Variants in ARID4A observed in about 807,000 individuals in gnomAD.
ARID4A encodes the protein AT-rich interactive domain-containing protein 4A.
In ARID4A, 39 loss-of-function variants were observed where a neutral mutation model predicts 148.6. The ratio of observed to expected loss-of-function variants is 0.26; its 90% confidence interval spans 0.20 to 0.34. The LOEUF is 0.34. ARID4A is among the 10% of genes least tolerant of loss of function. The probability of loss-of-function intolerance (pLI) is 1.00; values close to 1 mark genes in which losing one functional copy is unlikely to be tolerated. For synonymous variants in ARID4A, 475 were observed against 481.2 expected (o/e 0.99, Z 0.17); for missense variants, 1,265 against 1,449.1 (o/e 0.87, Z 2.06).
At chr14:58,322,222 G>A (rs563658958) in intron 7 of ARID4A, among the ~76,000 whole-genome samples, 4 of 151,912 alleles carry the variant, frequency 2.6e-5, no homozygotes, top group Admixed American at 6.6e-5. Flanking sequence ...CACCCGCCTC[G>A]GCCTCCCAAA....
In ARID4A at chr14:58,330,010, G is replaced by T; in HGVS notation, c.747G>T (p.Gln249His). 1.2e-6 allele frequency: 2 copies of T among 1,608,880 alleles called. No individual in the cohort carries two copies. Among genetic ancestry groups the T allele is most frequent in the East Asian group, 4.5e-5 (2 of 44,704 alleles). ...ESELSTKPGL[Q>H]KASIFLKTRV... ...GTACATTTTCACTCTTAGGGCTTCA[G>T]AAAGCAAGCATCTTCTTAAAAACTA... The change falls in exon 11 of 24, where the codon CAG becomes CAT. Residue 249 changes from glutamine to histidine, a missense_variant. By Grantham distance (24) the Gln-to-His change is conservative. Coordinates refer to ENST00000355431, the MANE Select transcript of ARID4A (RefSeq NM_002892.4).
intron 11 of ARID4A, among the ~76,000 whole-genome samples, chr14:58,340,315 G>A (rs1272625656): frequency 1.4e-5 from 2 of 142,842 alleles, no homozygotes; most frequent in Non-Finnish European, 3.0e-5. Context: ...ACAGGTGCAC[G>A]CCAGCATGCC....
intron 10 of ARID4A, among the ~76,000 whole-genome samples, 155 bp from the exon 11 acceptor site, chr14:58,329,848 C>T (rs945251546): frequency 1.3e-5 from 2 of 152,106 alleles, no homozygotes; most frequent in Non-Finnish European, 2.9e-5. Context: ...GTTTATATAA[C>T]ATTATAACTT....
At chr14:58,343,030 T>C (rs1447907587) in intron 11 of ARID4A, among the ~76,000 whole-genome samples, 4 of 152,330 alleles carry the variant, frequency 2.6e-5, no homozygotes, top group East Asian at 1.9e-4. Flanking sequence ...TGATTTTTTT[T>C]CCTCACGCTA....
In ARID4A at chr14:58,364,552, T is replaced by C; in HGVS notation, c.2463T>C (p.Pro821=). 6.2e-7 allele frequency: 1 copy of C among 1,610,814 alleles called. No homozygotes were observed. The highest frequency in any genetic ancestry group is 8.5e-7 in the Non-Finnish European group (1 of 1,179,386). The change falls in exon 20 of 24, where the codon CCT becomes CCC. Residue 821 remains proline, a synonymous_variant. Coordinates refer to ENST00000355431, the MANE Select transcript of ARID4A (RefSeq NM_002892.4). Reference sequence around the variant, plus strand: ...GCCAGAATGAAGCAGGAAGTGAACCTCATATAGAAGCTCATAGTCTTGAAT... The same window carrying C: ...GCCAGAATGAAGCAGGAAGTGAACCCCATATAGAAGCTCATAGTCTTGAAT... ...SFGQNEAGSE[P]HIEAHSLELS... is the part of the protein sequence containing the mutation.
Position 58,330,166 on chromosome 14 carries a change from G to A in ARID4A, c.903G>A (p.Glu301=). ...AGGAGGCCAAAAAGACAGAAGAAGA[G>A]GTGGTAGGTGTAATTTCATGTTTGT... ...KEKEAKKTEE[E]VPEEELDPEE... is the part of the protein sequence containing the mutation. Residue 301 remains glutamate (E), a synonymous_variant, in exon 11 of 24, where the codon GAG becomes GAA. Coordinates refer to ENST00000355431, the MANE Select transcript of ARID4A (RefSeq NM_002892.4). 1 of 1,608,756 alleles carries A rather than the reference G, an allele frequency of 6.2e-7. No homozygotes were observed. Among genetic ancestry groups the A allele is most frequent in the East Asian group, 2.2e-5 (1 of 44,658 alleles).
At chr14:58,318,898 G>T in intron 7 of ARID4A, 93 bp downstream of exon 7, 1 of 949,980 alleles carries the variant, frequency 1.1e-6, no homozygotes, top group Middle Eastern at 2.2e-4. Context: ...ATTTGGGTAA[G>T]CTTTCCATAG....
Position 58,347,753 on chromosome 14 carries a change from T to A in ARID4A, c.1279T>A (p.Ser427Thr). 1 of 1,613,612 alleles carries A rather than the reference T, an allele frequency of 6.2e-7. No homozygotes were observed. Among genetic ancestry groups the A allele is most frequent in the Non-Finnish European group, 8.5e-7 (1 of 1,179,702 alleles). ...AGAGGAAAAAAAAGACTTAGAAGAA[T>A]CAATGGAAGAGGCTCTCAAATTAGA... ...VKEEKKDLEE[S>T]MEEALKLDQE... Residue 427 changes from serine to threonine, a missense_variant, in exon 15 of 24, where the codon TCA becomes ACA. Physicochemically the swap from Ser to Thr is moderately conservative, Grantham distance 58. Transcript: ENST00000355431.
intron 23 of ARID4A, chr14:58,370,153 C>G (rs993543839): frequency 1.3e-5 from 2 of 152,198 alleles, no homozygotes; most frequent in African/African-American, 4.8e-5. Flanking sequence ...CTTTTAAAAA[C>G]TGTAAATAGC....
intron 22 of ARID4A, 112 bp from the exon 23 acceptor site, chr14:58,366,771 T>G: frequency 1.2e-6 from 1 of 829,118 alleles, no homozygotes; most frequent in Non-Finnish European, 1.8e-6. Flanking sequence ...GTAGGAGATT[T>G]TAATAAACTA....
intron 5 of ARID4A, among the ~76,000 whole-genome samples, chr14:58,312,344 G>T (rs1432975709): frequency 1.3e-5 from 2 of 151,472 alleles, no homozygotes; most frequent in African/African-American, 4.9e-5. Flanking sequence ...AGTTTCCCAA[G>T]TAGCTGGGAT....
chr14:58,322,296 G>A (rs1038585635), intron 7 of ARID4A, among the ~76,000 whole-genome samples: 3 of 152,022 alleles, frequency 2.0e-5, no homozygotes, highest in African/African-American at 4.8e-5. Flanking sequence ...TTATTAGTGT[G>A]TAATAAGTAC....
At chr14:58,356,960 A>G (rs1426466443) in intron 17 of ARID4A, among the ~76,000 whole-genome samples, 2 of 152,100 alleles carry the variant, frequency 1.3e-5, no homozygotes, top group African/African-American at 4.8e-5. Flanking sequence ...CGGCCTCCCA[A>G]AGTGTTGGGA....
Position 58,365,632 on chromosome 14 carries a change from T to C in ARID4A, c.3316+10T>C, listed in dbSNP as rs753424453. Reference sequence around the variant, plus strand: ...GAAAAGAATGGAACAGGTTGGTGTCTTTCAATGCTAGCTTTTGTATAGTGT... The same window carrying C: ...GAAAAGAATGGAACAGGTTGGTGTCCTTCAATGCTAGCTTTTGTATAGTGT... On this transcript the variant is annotated intron_variant, in intron 21 of 23. Transcript: ENST00000355431. 5 of 1,607,722 alleles carry C rather than the reference T, an allele frequency of 3.1e-6. No individual in the cohort carries two copies. In the East Asian group the frequency reaches 1.1e-4, roughly 36 times the overall value.
At chr14:58,303,671 C>A (rs10145481) in intron 3 of ARID4A, 3 of 368,662 alleles carry the variant, frequency 8.1e-6, no homozygotes, top group South Asian at 2.0e-5. Context: ...CTAAAGGGTC[C>A]CTCCAGACCA....
Position 58,360,893 on chromosome 14 carries a change from T to G in ARID4A, c.1939-8T>G, listed in dbSNP as rs751334963. The stretch of plus-strand genomic sequence containing the variant: ...GCCCTTCTCATACATTTTGTTGTTG[T>G]TGCCCAGAATAAAGAAGATAGTGAA... On this transcript the variant is annotated splice_polypyrimidine_tract_variant and splice_region_variant and intron_variant, in intron 18 of 23. Transcript: ENST00000355431. 3 of 1,613,322 alleles carry G rather than the reference T, an allele frequency of 1.9e-6. No homozygotes were observed. The highest frequency in any genetic ancestry group is 2.5e-6 in the Non-Finnish European group (3 of 1,179,682).
At chr14:58,318,842 A>G (rs768438444) in intron 7 of ARID4A, 37 bp downstream of exon 7, 20 of 1,521,772 alleles carry the variant, frequency 1.3e-5, no homozygotes, top group African/African-American at 2.8e-5. Context: ...TTTAATTACA[A>G]TTATTATAAC....
intron 19 of ARID4A, among the ~76,000 whole-genome samples, chr14:58,361,509 A>G (rs1468165747): frequency 1.3e-5 from 2 of 152,216 alleles, no homozygotes; most frequent in South Asian, 2.1e-4. Flanking sequence ...CCAGCTACTG[A>G]TAAGCAATTT....
At chr14:58,313,424 T>C (rs972071508) in intron 5 of ARID4A, among the ~76,000 whole-genome samples, 9 of 152,166 alleles carry the variant, frequency 5.9e-5, no homozygotes, top group African/African-American at 1.9e-4. Context: ...TGCGCTCCTA[T>C]GAGAATCTAA....
Sources: gnomAD v4.1 joint callset for allele counts (sites outside exome capture counted in the v4.1 genomes callset) on GRCh38, gnomAD v4.1.1 for gene constraint, MANE v1.5 for transcripts, NCBI Gene and HGNC (gene_info 2026-07-23, HGNC 2026-07-21) for gene names.